Variants in ADAM7 observed in about 807,000 individuals in gnomAD.
ADAM7 encodes disintegrin and metalloproteinase domain-containing protein 7.
In ADAM7, 97 loss-of-function variants were observed where a neutral mutation model predicts 102.9. The ratio of observed to expected loss-of-function variants is 0.94; its 90% confidence interval spans 0.80 to 1.12. The LOEUF is 1.12. Among genes scored for constraint, ADAM7 ranks in the 50% most tolerant of loss-of-function variants. The pLI is 0.00. For synonymous variants in ADAM7, 334 were observed against 304.4 expected, an observed-to-expected ratio of 1.10 and a Z score of -1.01; for missense variants, 991 against 908.7, an observed-to-expected ratio of 1.09 and a Z score of -1.16.
At chr8:24,442,933 G>A (rs1484472813) in intron 2 of ADAM7, among the ~76,000 whole-genome samples, 1 of 152,136 alleles carries the variant, frequency 6.6e-6, no homozygotes, top group East Asian at 1.9e-4. Context: ...TGTTTATAGA[G>A]TCTGCAGCAA....
At chr8:24,508,064 T>C (rs1160621119) in intron 21 of ADAM7, among the ~76,000 whole-genome samples, 1 of 152,200 alleles carries the variant, frequency 6.6e-6, no homozygotes, top group African/African-American at 2.4e-5. Flanking sequence ...AAAATGAGCA[T>C]GGCTTCAGTA....
chr8:24,468,879 A>G, intron 7 of ADAM7, 59 bp downstream of exon 7: 1 of 1,457,874 alleles, frequency 6.9e-7, no homozygotes, highest in South Asian at 1.2e-5. Context: ...TGTAGTTATC[A>G]TTCTAGCATA....
At position 24,505,957 on chromosome 8, in the gene ADAM7, T is replaced by C. The variant is rs762859243; in HGVS notation, c.2209-1523T>C. 49 of 650,376 alleles carry C rather than the reference T, an allele frequency of 7.5e-5. 1 individual carries two copies. Among genetic ancestry groups the C allele is most frequent in the Non-Finnish European group, 1.1e-4 (42 of 373,980 alleles). The allele number at this position is 650,376 out of a possible 1,614,324, so 40.3% of individuals were successfully genotyped here. ...ATTCCCACTCTTCTCATATGTAAAT[T>C]TGTCTTATAGACAGGCCCTGAGATA... On this transcript the variant is annotated intron_variant, in intron 20 of 21. Transcript: ENST00000175238.
At position 24,442,509 on chromosome 8, in the gene ADAM7, T is replaced by G; in HGVS notation, c.89T>G (p.Val30Gly). Residue 30 changes from valine (V) to glycine (G), a missense_variant, in exon 2 of 22, where the codon GTT becomes GGT. Val to Gly is a moderately radical substitution (Grantham distance 109). Coordinates refer to ENST00000175238, the MANE Select transcript of ADAM7 (RefSeq NM_003817.4). ...CTTGGAGTAGAGGGTCAACAACTGG[T>G]TCGTCCTAAAAAGCTTCCTCTGATA... ...FILGVEGQQLVRPKKLPLIQK... is the reference protein window; with the variant it reads ...FILGVEGQQLGRPKKLPLIQK... 1 of 1,614,104 alleles carries G rather than the reference T, an allele frequency of 6.2e-7. No individual in the cohort carries two copies. Among genetic ancestry groups the G allele is most frequent in the Non-Finnish European group, 8.5e-7 (1 of 1,179,982 alleles).
At chr8:24,454,761 G>A (rs1353094054) in intron 3 of ADAM7, among the ~76,000 whole-genome samples, 2 of 152,128 alleles carry the variant, frequency 1.3e-5, no homozygotes, top group Non-Finnish European at 2.9e-5. Context: ...CACGCTGGGA[G>A]CTGTAGACCG....
chr8:24,445,120 CAA>C (rs1417594243), intron 2 of ADAM7, among the ~76,000 whole-genome samples: 2 of 151,786 alleles, frequency 1.3e-5, no homozygotes, highest in African/African-American at 4.8e-5. Context: ...TCTGAATTTC[CAA>C]AAAAGTTCCA....
At chr8:24,474,610 G>A (rs1325896220) in intron 7 of ADAM7, among the ~76,000 whole-genome samples, 1 of 152,096 alleles carries the variant, frequency 6.6e-6, no homozygotes, top group Non-Finnish European at 1.5e-5. Context: ...AGCAGCAGAG[G>A]TCAGGTGCAG....
chr8:24,501,614 T>A (rs1585931206), intron 20 of ADAM7, 38 bp downstream of exon 20: 1 of 689,792 alleles, frequency 1.4e-6, no homozygotes, highest in Non-Finnish European at 2.0e-6. Context: ...ATTTATTGAT[T>A]TTTTTTTTTT....
chr8:24,463,735 G>C (rs573255576), intron 3 of ADAM7, 147 bp from the exon 4 acceptor site: 1 of 590,336 alleles, frequency 1.7e-6, no homozygotes, highest in Admixed American at 3.2e-5. Context: ...CATATGAGTG[G>C]GCTTGATTTT....
chr8:24,481,125 T>C (rs1218345556), intron 8 of ADAM7, among the ~76,000 whole-genome samples: 2 of 152,070 alleles, frequency 1.3e-5, no homozygotes, highest in Non-Finnish European at 2.9e-5. Context: ...TAAGGATGCA[T>C]ATCACAGGCT....
intron 13 of ADAM7, among the ~76,000 whole-genome samples, 185 bp downstream of exon 13, chr8:24,491,073 G>A (rs1300006797): frequency 1.3e-5 from 2 of 152,274 alleles, no homozygotes; most frequent in Admixed American, 1.3e-4. Flanking sequence ...CTATGGCCTG[G>A]GGTAGTGGAG....
intron 8 of ADAM7, among the ~76,000 whole-genome samples, chr8:24,478,547 A>G (rs1819845251): frequency 6.6e-6 from 1 of 152,172 alleles, no homozygotes; most frequent in African/African-American, 2.4e-5. Flanking sequence ...TCATAGTCAC[A>G]GTCCTGCCCA....
chr8:24,486,978 G>A (rs1820165305), intron 10 of ADAM7, among the ~76,000 whole-genome samples: 1 of 152,134 alleles, frequency 6.6e-6, no homozygotes, highest in African/African-American at 2.4e-5. Flanking sequence ...GTTAGAGCTA[G>A]AGATACTTAA....
chr8:24,465,640 T>A (rs1483380780), intron 4 of ADAM7, 59 bp from the exon 5 acceptor site: 1 of 1,003,680 alleles, frequency 1.0e-6, no homozygotes, highest in African/African-American at 1.7e-5. Context: ...ATTTAGATAT[T>A]AGTATCTATA....
chr8:24,455,268 T>C (rs948108659), intron 3 of ADAM7, among the ~76,000 whole-genome samples: 5 of 152,224 alleles, frequency 3.3e-5, no homozygotes, highest in African/African-American at 1.2e-4. Context: ...CTGTTTTATA[T>C]CATCTTTCTC....
At chr8:24,488,479 A>T (rs1820222503) in intron 11 of ADAM7, among the ~76,000 whole-genome samples, 1 of 152,204 alleles carries the variant, frequency 6.6e-6, no homozygotes, top group African/African-American at 2.4e-5. Flanking sequence ...CTGGCACAGA[A>T]TAAGAACACA....
intron 3 of ADAM7, among the ~76,000 whole-genome samples, chr8:24,459,589 G>C (rs1819167039): frequency 6.6e-6 from 1 of 151,990 alleles, no homozygotes; most frequent in African/African-American, 2.4e-5. Context: ...CTGAGTATCT[G>C]AGACTGAAGC....
intron 16 of ADAM7, among the ~76,000 whole-genome samples, chr8:24,496,914 T>C (rs1189665218): frequency 2.6e-5 from 4 of 152,054 alleles, no homozygotes; most frequent in African/African-American, 4.8e-5. Context: ...GAAGGCATGA[T>C]TGGTTTTAAA....
chr8:24,454,483 C>T (rs966844004), intron 3 of ADAM7, among the ~76,000 whole-genome samples: 11 of 152,296 alleles, frequency 7.2e-5, no homozygotes, highest in East Asian at 5.8e-4. Context: ...TCTCCTGGTG[C>T]GCCATTTTTT....
Sources: allele counts gnomAD v4.1 joint callset (sites outside exome capture counted in the v4.1 genomes callset), GRCh38; gene constraint gnomAD v4.1.1; transcripts MANE v1.5; gene names NCBI Gene and HGNC (gene_info 2026-07-23, HGNC 2026-07-21).